JAK1: variants seen among roughly 807,000 people sequenced by gnomAD.
JAK1 encodes the protein Janus kinase 1.
Under a neutral mutation model 136.6 loss-of-function variants are expected in JAK1, and 16 were observed. The observed-to-expected ratio is 0.12, with a 90% CI of 0.08 to 0.18. JAK1 has a LOEUF of 0.18. JAK1 is among the 10% of genes least tolerant of loss of function. The pLI, the probability that JAK1 is intolerant of heterozygous loss-of-function variation, is 1.00. For synonymous variants in JAK1, 492 were observed against 519.5 expected (o/e 0.95, Z 0.72); for missense variants, 859 against 1,450.1 (o/e 0.59, Z 6.62).
chr1:65,008,638 T>C (rs1231447160), intron 2 of JAK1, among the ~76,000 whole-genome samples: 3 of 151,350 alleles, frequency 2.0e-5, no homozygotes, highest in African/African-American at 7.3e-5. Flanking sequence ...CCCTTCCCCT[T>C]CCCCTTCGCC....
chr1:64,919,166 C>T (rs990778937), intron 1 of JAK1, among the ~76,000 whole-genome samples: 12 of 152,282 alleles, frequency 7.9e-5, no homozygotes, highest in African/African-American at 2.6e-4. Context: ...TCCCTCCCCA[C>T]TTCCCCCACC....
intron 2 of JAK1, among the ~76,000 whole-genome samples, chr1:65,037,099 T>C (rs1647081446): frequency 6.6e-6 from 1 of 152,072 alleles, no homozygotes; most frequent in East Asian, 1.9e-4. Flanking sequence ...GGTGGGAGGA[T>C]CACTTAAGCC....
chr1:65,022,117 C>A (rs932074917), intron 2 of JAK1, among the ~76,000 whole-genome samples: 2 of 152,220 alleles, frequency 1.3e-5, no homozygotes, highest in African/African-American at 4.8e-5. Flanking sequence ...TTGTGCCAAG[C>A]TACAAGAGTA....
chr1:64,855,472 A>T (rs1275057558), intron 11 of JAK1, 37 bp downstream of exon 11: 1 of 1,601,570 alleles, frequency 6.2e-7, no homozygotes, highest in Non-Finnish European at 8.5e-7. Context: ...CACATTACTG[A>T]TGGGATACAG....
intron 2 of JAK1, among the ~76,000 whole-genome samples, chr1:64,995,650 T>C (rs1170885450): frequency 2.6e-5 from 4 of 152,214 alleles, no homozygotes; most frequent in Non-Finnish European, 4.4e-5. Flanking sequence ...AAGTGATCAG[T>C]TGAGCCTTAT....
At position 65,004,341 on chromosome 1, in the gene JAK1, G is replaced by A. The variant is rs180895343; in HGVS notation, c.-78+40139C>T. ...AAACAGTGCTTCTCCAAGATGATATGGAAAATACCAAGCTCCCACTAACCT... is the reference window on the plus strand; with the variant it reads ...AAACAGTGCTTCTCCAAGATGATATAGAAAATACCAAGCTCCCACTAACCT... On this transcript the variant is annotated intron_variant, in intron 2 of 25. Transcript: ENST00000671954. 2.0e-4 allele frequency among the ~76,000 whole-genome samples: 31 copies of A among 152,312 alleles called. 1 individual carries two copies. The highest frequency in any genetic ancestry group is 6.5e-4 in the African/African-American group (27 of 41,566).
At chr1:64,854,264 C>T (rs978873070) in intron 11 of JAK1, among the ~76,000 whole-genome samples, 4 of 152,152 alleles carry the variant, frequency 2.6e-5, no homozygotes, top group Admixed American at 1.3e-4. Flanking sequence ...TTTATGGACA[C>T]GTTCGCTTGG....
At chr1:65,055,444 ATGT>A (rs1212508962) in intron 1 of JAK1, among the ~76,000 whole-genome samples, 1 of 152,168 alleles carries the variant, frequency 6.6e-6, no homozygotes, top group African/African-American at 2.4e-5. Flanking sequence ...ATTGTGAATC[ATGT>A]TGCTATAAAC....
In JAK1 at chr1:64,847,528, T is replaced by C; in HGVS notation, c.1899+4A>G. ...AGGGGAGGAGTTCAGAGGAAGACAC[T>C]TGCCAGGGAAATATCCCTGTGGCTG... On this transcript the variant is annotated splice_donor_region_variant and intron_variant, in intron 13 of 24. Coordinates refer to ENST00000342505, the MANE Select transcript of JAK1 (RefSeq NM_002227.4). The C allele has an allele frequency of 6.2e-7, 1 of 1,613,984 alleles. No homozygotes were observed. The highest frequency in any genetic ancestry group is 2.2e-5 in the East Asian group (1 of 44,884).
chr1:64,972,280 A>G (rs1224624525), intron 2 of JAK1: 11 of 152,262 alleles, frequency 7.2e-5, no homozygotes, highest in Non-Finnish European at 2.9e-5. Context: ...GCTACAAGAT[A>G]CATTTTTAAA....
intron 2 of JAK1, among the ~76,000 whole-genome samples, chr1:65,008,772 C>T (rs772240913): frequency 6.6e-5 from 10 of 152,100 alleles, no homozygotes; most frequent in Non-Finnish European, 1.0e-4. Flanking sequence ...ATTGCAGCCT[C>T]AACCTGCCTG....
intron 1 of JAK1, among the ~76,000 whole-genome samples, chr1:64,920,433 G>A (rs1365744611): frequency 6.6e-6 from 1 of 151,978 alleles, no homozygotes; most frequent in Non-Finnish European, 1.5e-5. Context: ...CCAGCTACTT[G>A]GGAGGCTGAG....
chr1:64,872,710 G>T (rs1254675457), intron 5 of JAK1, among the ~76,000 whole-genome samples: 1 of 152,024 alleles, frequency 6.6e-6, no homozygotes, highest in East Asian at 1.9e-4. Context: ...TTAAAACAAC[G>T]AAGATCAATA....
At chr1:64,836,375 T>C (rs1214355477) in intron 22 of JAK1, among the ~76,000 whole-genome samples, 160 bp from the exon 23 acceptor site, 5 of 152,196 alleles carry the variant, frequency 3.3e-5, no homozygotes, top group Admixed American at 6.5e-5. Context: ...TACGCTGCTA[T>C]GGTGCACATC....
At chr1:64,994,915 T>C (rs1646690126) in intron 2 of JAK1, 1 of 141,840 alleles carries the variant, frequency 7.1e-6, no homozygotes, top group Non-Finnish European at 1.5e-5. Flanking sequence ...AGAATTACAG[T>C]AAGACGTGAC....
chr1:65,002,796 C>T (rs1646771788), intron 2 of JAK1, among the ~76,000 whole-genome samples: 1 of 152,224 alleles, frequency 6.6e-6, no homozygotes, highest in African/African-American at 2.4e-5. Context: ...CAGTCTGCGC[C>T]TGCCGCAGTT....
At chr1:64,936,958 T>C (rs553915993) in intron 1 of JAK1, among the ~76,000 whole-genome samples, 1 of 149,854 alleles carries the variant, frequency 6.7e-6, no homozygotes, top group Admixed American at 6.7e-5. Context: ...TGAAAAAGAA[T>C]ACAAAGCAGT....
chr1:64,883,852 A>C (rs1644813214), intron 2 of JAK1, among the ~76,000 whole-genome samples: 2 of 152,158 alleles, frequency 1.3e-5, no homozygotes, highest in Admixed American at 1.3e-4. Flanking sequence ...AGGACTGATT[A>C]TTAGTTACAA....
chr1:64,969,543 T>C (rs149494412), upstream of JAK1, among the ~76,000 whole-genome samples: 7 of 152,132 alleles, frequency 4.6e-5, no homozygotes, highest in South Asian at 2.1e-4. Flanking sequence ...GAAGATGAAT[T>C]GGAGGGCAAG....
Sources: allele counts gnomAD v4.1 joint callset (sites outside exome capture counted in the v4.1 genomes callset), GRCh38; gene constraint gnomAD v4.1.1; transcripts MANE v1.5; gene names NCBI Gene and HGNC (gene_info 2026-07-23, HGNC 2026-07-21).